MYH10: variants seen among roughly 807,000 people sequenced by gnomAD.
MYH10 encodes the protein myosin-10.
In MYH10, 55 loss-of-function variants were observed where a neutral mutation model predicts 257.8. The observed-to-expected ratio is 0.21, with a 90% CI of 0.17 to 0.27. MYH10 has a LOEUF of 0.27. Ranked by LOEUF, MYH10 falls within the 10% of genes least tolerant of loss-of-function variation. The pLI is 1.00. For missense variants in MYH10, 1,631 were observed against 2,500.6 expected (o/e 0.65, Z 7.42); for synonymous variants, 854 against 921.7 (o/e 0.93, Z 1.33).
At chr17:8,575,159 G>A (rs945836336) in intron 6 of MYH10, among the ~76,000 whole-genome samples, 4 of 152,172 alleles carry the variant, frequency 2.6e-5, no homozygotes, top group African/African-American at 9.7e-5. Context: ...CTGCTTCCCA[G>A]GGATTGATTT....
At chr17:8,574,222 T>G (rs2094086789) in intron 6 of MYH10, among the ~76,000 whole-genome samples, 1 of 152,258 alleles carries the variant, frequency 6.6e-6, no homozygotes, top group African/African-American at 2.4e-5. Flanking sequence ...GAAGTACTTA[T>G]ATGTGCTAGA....
At chr17:8,630,207 G>C (rs1217196116) in intron 1 of MYH10, among the ~76,000 whole-genome samples, 1 of 149,544 alleles carries the variant, frequency 6.7e-6, no homozygotes, top group African/African-American at 2.5e-5. Context: ...ACTGGCTCGC[G>C]GGGCACGCCG....
chr17:8,496,204 G>C (rs994739108), intron 30 of MYH10, among the ~76,000 whole-genome samples: 2 of 152,234 alleles, frequency 1.3e-5, no homozygotes, highest in African/African-American at 4.8e-5. Context: ...GGAAGACGCA[G>C]AGGGACGCAG....
chr17:8,628,969 A>G (rs1452738433), intron 1 of MYH10, among the ~76,000 whole-genome samples: 1 of 152,172 alleles, frequency 6.6e-6, no homozygotes, highest in Non-Finnish European at 1.5e-5. Flanking sequence ...ATTACACCAT[A>G]TGCTTTCTCC....
intron 7 of MYH10, among the ~76,000 whole-genome samples, chr17:8,564,549 A>G (rs1417383322): frequency 1.3e-5 from 2 of 152,204 alleles, no homozygotes; most frequent in African/African-American, 4.8e-5. Flanking sequence ...ACATCATGAC[A>G]TGCCGTTGAA....
chr17:8,480,765 G>T, intron 38 of MYH10: 1 of 561,678 alleles, frequency 1.8e-6, no homozygotes, highest in Non-Finnish European at 3.2e-6. Flanking sequence ...ACTGCTGGGT[G>T]GCCTCCCGCT....
At chr17:8,525,418 C>T (rs138741926) in intron 17 of MYH10, among the ~76,000 whole-genome samples, 1 of 152,250 alleles carries the variant, frequency 6.6e-6, no homozygotes, top group Non-Finnish European at 1.5e-5. Flanking sequence ...CTCTGGCCCC[C>T]CAACCATCAG....
rs774849319 is a variant in MYH10, at chr17:8,623,291, A to G, written c.-31-14T>C. On this transcript the variant is annotated splice_polypyrimidine_tract_variant and intron_variant, in intron 1 of 42. Transcript: ENST00000360416. ...AAGCAATTGCCTCTAAGAGAAGAGG[A>G]GGAGGGCAAAATTAGATGTTTAAGA... The G allele has an allele frequency of 6.5e-7, 1 of 1,538,300 alleles. No homozygotes were observed. The highest frequency in any genetic ancestry group is 1.2e-5 in the South Asian group (1 of 80,556).
rs377567942 is a variant in MYH10 at position 8,545,747 on chromosome 17, T to C, written c.1279-147A>G. The C allele has an allele frequency of 2.5e-5, 18 of 727,950 alleles. No individual in the cohort carries two copies. Among genetic ancestry groups the C allele is most frequent in the Admixed American group, 5.9e-5 (2 of 33,696 alleles). 45.1% of individuals were successfully genotyped at this position (727,950 alleles called of 1,614,324 possible). On this transcript the variant is annotated intron_variant, in intron 12 of 42. Coordinates refer to ENST00000360416, the MANE Select transcript of MYH10 (RefSeq NM_001256012.3). This position sits in a 1 kb window ranked among gnomAD's most constrained non-coding sequence, Gnocchi z 4.7. ...ATCATGTCTCAATTTTACACATCAA[T>C]AGAAGGCAATATTAGAAGAATTAAA...
chr17:8,608,795 G>C (rs1353369879), intron 2 of MYH10, among the ~76,000 whole-genome samples: 3 of 151,646 alleles, frequency 2.0e-5, no homozygotes, highest in African/African-American at 7.3e-5. Context: ...ATCTTCCTCT[G>C]TCTATGATTG....
At chr17:8,568,031 C>G (rs886491414) in intron 7 of MYH10, among the ~76,000 whole-genome samples, 2 of 152,188 alleles carry the variant, frequency 1.3e-5, no homozygotes, top group Admixed American at 1.3e-4. Context: ...CCCCTTCCCC[C>G]TGCCTTAACA....
chr17:8,548,948 C>A (rs1212961282), intron 9 of MYH10, among the ~76,000 whole-genome samples, 161 bp from the exon 10 acceptor site: 1 of 32,880 alleles, frequency 3.0e-5, no homozygotes, highest in Non-Finnish European at 7.5e-5. Flanking sequence ...TGTAAATACA[C>A]AAACATACAT....
intron 6 of MYH10, among the ~76,000 whole-genome samples, chr17:8,574,342 G>A (rs2083437317): frequency 6.6e-6 from 1 of 152,208 alleles, no homozygotes; most frequent in Non-Finnish European, 1.5e-5. Flanking sequence ...AATACATAGA[G>A]ACAGAAAGTA....
At position 8,545,656 on chromosome 17, in the gene MYH10, A is replaced by G. The variant is rs2082421343; in HGVS notation, c.1279-56T>C. 6.4e-7 allele frequency: 1 copy of G among 1,567,782 alleles called. No individual in the cohort carries two copies. The highest frequency in any genetic ancestry group is 1.2e-5 in the South Asian group (1 of 86,420). On this transcript the variant is annotated intron_variant, in intron 12 of 42. Transcript: ENST00000360416. This position sits in a 1 kb window ranked among gnomAD's most constrained non-coding sequence, Gnocchi z 4.7. ...TGGAAACAATCTCAACAAAGCATAA[A>G]TAGCTGTTTTACGGAATTTAATGTT...
intron 21 of MYH10, among the ~76,000 whole-genome samples, chr17:8,518,185 T>C (rs560232548): frequency 1.4e-5 from 2 of 145,766 alleles, no homozygotes; most frequent in East Asian, 2.1e-4. Flanking sequence ...CAGGCTGGCA[T>C]GCAGTGGTAC....
Position 8,474,850 on chromosome 17 carries a change from A to G in MYH10, c.*954T>C, listed in dbSNP as rs1912241865. 6.6e-6 allele frequency: 1 copy of G among 152,666 alleles called. No individual in the cohort carries two copies. Among genetic ancestry groups the G allele is most frequent in the African/African-American group, 2.4e-5 (1 of 41,454 alleles). 9.5% of individuals were successfully genotyped at this position (152,666 alleles called of 1,614,324 possible). A position where few individuals can be genotyped will look rare whatever the true frequency, so the allele number is the denominator to read the frequency against. On this transcript the variant is annotated 3_prime_UTR_variant, in exon 43 of 43. Coordinates refer to ENST00000360416, the MANE Select transcript of MYH10 (RefSeq NM_001256012.3). ...GGAGGCTCCATAAACCTCATTGACA[A>G]ACTTGGAACAAGCCTCGGACACAAA...
At chr17:8,492,703 A>T in intron 33 of MYH10, 73 bp downstream of exon 33, 4 of 1,542,102 alleles carry the variant, frequency 2.6e-6, no homozygotes, top group Non-Finnish European at 3.5e-6. Context: ...AATGCCTTTA[A>T]ATAAGATTAT....
rs750828380 is a variant in MYH10, at chr17:8,478,400, GCTT to G, written c.5641_5643del (p.Lys1881del). 1.2e-6 allele frequency: 2 copies of G among 1,614,230 alleles called. No homozygotes were observed. Among genetic ancestry groups the G allele is most frequent in the Non-Finnish European group, 1.7e-6 (2 of 1,180,046 alleles). ...TCAACCTGCATGAAGATTTCTTTCAGCTTCTTCTCAGTGCGACGGACTAATTTG... is the reference window on the plus strand; with the variant it reads ...TCAACCTGCATGAAGATTTCTTTCAGCTTCTCAGTGCGACGGACTAATTTG... On this transcript the variant is annotated inframe_deletion, in exon 41 of 43. Coordinates refer to ENST00000360416, the MANE Select transcript of MYH10 (RefSeq NM_001256012.3).
In MYH10 at chr17:8,500,989, T is replaced by A. The variant is rs746879398; in HGVS notation, c.3600-19A>T. The A allele has an allele frequency of 3.7e-6, 6 of 1,607,152 alleles. No individual in the cohort carries two copies. Among genetic ancestry groups the A allele is most frequent in the Non-Finnish European group, 5.1e-6 (6 of 1,177,922 alleles). On this transcript the variant is annotated intron_variant, in intron 28 of 42. Coordinates refer to ENST00000360416, the MANE Select transcript of MYH10 (RefSeq NM_001256012.3). ...TTTTGTACTAGAGAAGGACATTTTT[T>A]AAGAGAGATCAGAATTAGCTGACTG...
Sources: allele counts gnomAD v4.1 joint callset (sites outside exome capture counted in the v4.1 genomes callset), GRCh38; gene constraint gnomAD v4.1.1; non-coding constraint Gnocchi (gnomAD v3.1); transcripts MANE v1.5; gene names NCBI Gene and HGNC (gene_info 2026-07-23, HGNC 2026-07-21).